The following RTN1 variants were observed in gnomAD, a reference collection of about 807,000 sequenced individuals.
RTN1 encodes the protein reticulon 1, also known as reticulon-1.
Under a neutral mutation model 65.5 loss-of-function variants are expected in RTN1, and 25 were observed. That is an observed-to-expected ratio of 0.38 (90% confidence interval 0.28 to 0.53). RTN1 has a LOEUF of 0.53. Ranked by LOEUF, RTN1 falls within the 20% of genes least tolerant of loss-of-function variation. The pLI, the probability that RTN1 is intolerant of heterozygous loss-of-function variation, is 0.79. For synonymous variants in RTN1, 471 were observed against 447.6 expected (o/e 1.05, Z -0.66); for missense variants, 983 against 1,025.4 (o/e 0.96, Z 0.57).
At chr14:59,823,322 T>C (rs1013269281) in intron 1 of RTN1, among the ~76,000 whole-genome samples, 9 of 152,026 alleles carry the variant, frequency 5.9e-5, no homozygotes, top group Non-Finnish European at 1.3e-4. Flanking sequence ...TTGTCAGAAA[T>C]AAGAACAGAA....
At chr14:59,657,470 A>G (rs1366139639) in intron 3 of RTN1, among the ~76,000 whole-genome samples, 1 of 152,100 alleles carries the variant, frequency 6.6e-6, no homozygotes, top group Non-Finnish European at 1.5e-5. Flanking sequence ...CCTAATAGGA[A>G]CAGCTCTGGT....
At chr14:59,797,335 T>C (rs1886458855) in intron 1 of RTN1, among the ~76,000 whole-genome samples, 3 of 152,192 alleles carry the variant, frequency 2.0e-5, no homozygotes. Flanking sequence ...CAGTGGGTTA[T>C]GTGTATTGCA....
intron 3 of RTN1, among the ~76,000 whole-genome samples, chr14:59,700,864 A>G (rs746591319): frequency 6.6e-6 from 1 of 152,178 alleles, no homozygotes; most frequent in Admixed American, 6.5e-5. Context: ...AAATAGATAA[A>G]TGTAACTTCA....
At chr14:59,712,963 T>C (rs904116749) in intron 3 of RTN1, among the ~76,000 whole-genome samples, 1 of 151,172 alleles carries the variant, frequency 6.6e-6, no homozygotes, top group African/African-American at 2.4e-5. Flanking sequence ...CAAAGCCCCA[T>C]CTCATTGTAT....
rs1458475362 is a variant in RTN1, at chr14:59,607,406, A to C, written c.1852T>G (p.Phe618Val). 6.2e-7 allele frequency: 1 copy of C among 1,613,906 alleles called. No homozygotes were observed. The highest frequency in any genetic ancestry group is 8.5e-7 in the Non-Finnish European group (1 of 1,180,000). ...FLLLLFSLTQ[F>V]SVVSVVAYLA... The stretch of plus-strand genomic sequence containing the variant: ...TAGGCCACGACGCTCACCACGCTGA[A>C]CTGGGTCAGGGAGAAGAGCAGCAGC... Residue 618 changes from phenylalanine to valine, a missense_variant, in exon 4 of 9, where the codon TTC becomes GTC. By Grantham distance (50) the Phe-to-Val change is conservative. Around this residue, in one of 2 missense-constraint regions of RTN1, gnomAD observed 165 missense variants for 223.6 expected, o/e 0.74. Transcript: ENST00000267484.
chr14:59,863,569 T>C (rs566177101), intron 1 of RTN1, among the ~76,000 whole-genome samples: 2 of 152,310 alleles, frequency 1.3e-5, no homozygotes, highest in South Asian at 2.1e-4. Context: ...CTCTGTATAT[T>C]TGAGTGACCC....
chr14:59,659,109 C>T (rs1883186813), intron 3 of RTN1, among the ~76,000 whole-genome samples: 1 of 151,104 alleles, frequency 6.6e-6, no homozygotes. Context: ...AATAGCCAAA[C>T]TGATCAAGTG....
chr14:59,737,433 T>C (rs1271593040), intron 2 of RTN1, among the ~76,000 whole-genome samples: 1 of 151,708 alleles, frequency 6.6e-6, no homozygotes, highest in Non-Finnish European at 1.5e-5. Flanking sequence ...AAAAATAAAA[T>C]ACCTAGGAAT....
chr14:59,838,174 T>C (rs952701443), intron 1 of RTN1, among the ~76,000 whole-genome samples: 1 of 152,164 alleles, frequency 6.6e-6, no homozygotes, highest in Non-Finnish European at 1.5e-5. Context: ...AATGGTTAGC[T>C]CCCACTTATA....
rs1885738426 is a variant in RTN1 at position 59,761,053 on chromosome 14, G to T, written c.242-14572C>A. On this transcript the variant is annotated intron_variant, in intron 1 of 8. Transcript: ENST00000267484. ...AGCCGCTGCCCACACTATTAGCTAT[G>T]TTGCATTTGTGGCCAACTAAAACAT... Among the ~76,000 whole-genome samples the T allele has an allele frequency of 1.3e-5, 2 of 152,104 alleles. 1 individual carries two copies. The highest frequency in any genetic ancestry group is 1.3e-4 in the Admixed American group (2 of 15,278).
intron 2 of RTN1, among the ~76,000 whole-genome samples, chr14:59,729,820 C>T (rs1344379820): frequency 6.6e-6 from 1 of 152,154 alleles, no homozygotes; most frequent in Non-Finnish European, 1.5e-5. Context: ...GAGAGGCTGA[C>T]CTACATAGAA....
intron 1 of RTN1, among the ~76,000 whole-genome samples, chr14:59,749,674 TATATCTATATATTTAC>T (rs1885386912): frequency 1.2e-5 from 1 of 85,106 alleles, no homozygotes; most frequent in Non-Finnish European, 2.1e-5. Flanking sequence ...TATATATTTA[TATATCTATATATTTAC>T]ATATATATCT....
At chr14:59,732,315 G>C (rs1023775803) in intron 2 of RTN1, among the ~76,000 whole-genome samples, 1 of 152,164 alleles carries the variant, frequency 6.6e-6, no homozygotes, top group Non-Finnish European at 1.5e-5. Flanking sequence ...TATATGGAGC[G>C]GCCAAGATGG....
At chr14:59,813,739 T>C (rs1239684225) in intron 1 of RTN1, among the ~76,000 whole-genome samples, 1 of 152,236 alleles carries the variant, frequency 6.6e-6, no homozygotes, top group African/African-American at 2.4e-5. Context: ...CAGTAATAAA[T>C]AGAATAAAAT....
rs533411284 is a variant in RTN1, at chr14:59,658,111, T to A, written c.1766-50619A>T. ...TGAGTATGTGGTTTCCCCCTCACAGTGTAAACAAAGCCGAGCCTCGGGGAA... is the reference window on the plus strand; with the variant it reads ...TGAGTATGTGGTTTCCCCCTCACAGAGTAAACAAAGCCGAGCCTCGGGGAA... On this transcript the variant is annotated intron_variant, in intron 3 of 8. Transcript: ENST00000267484. Among the ~76,000 whole-genome samples, 23 of 152,312 alleles carry A rather than the reference T, an allele frequency of 1.5e-4. No homozygotes were observed. The East Asian group carries it at 3.5e-3, about 23-fold the overall frequency.
At chr14:59,858,940 T>C (rs1887657281) in intron 1 of RTN1, among the ~76,000 whole-genome samples, 1 of 152,216 alleles carries the variant, frequency 6.6e-6, no homozygotes, top group South Asian at 2.1e-4. Context: ...TATATTTATG[T>C]TAATAATCCA....
In RTN1 at chr14:59,746,106, T is replaced by A; in HGVS notation, c.617A>T (p.Lys206Met). 6.2e-7 allele frequency: 1 copy of A among 1,613,506 alleles called. No homozygotes were observed. The highest frequency in any genetic ancestry group is 1.3e-5 in the African/African-American group (1 of 74,934). Residue 206 changes from lysine (K) to methionine (M), a missense_variant, in exon 2 of 9, where the codon AAG becomes ATG. Physicochemically the swap from Lys to Met is moderately conservative, Grantham distance 95. Around this residue, in one of 2 missense-constraint regions of RTN1, gnomAD observed 818 missense variants for 801.8 expected, o/e 1.02. Coordinates refer to ENST00000267484, the MANE Select transcript of RTN1 (RefSeq NM_021136.3). ...YIDITRPEEV[K>M]HQEQHHPELE... ...CTCGGGGTGATGTTGTTCTTGGTGC[T>A]TCACCTCCTCGGGTCTGGTTATGTC...
rs961898806 is a variant in RTN1 at position 59,774,882 on chromosome 14, A to G, written c.242-28401T>C. ...TCTTTTTCTCATTAAGTGAAGAGGC[A>G]AAAACATCCAAGTAACCACTTCTAT... On this transcript the variant is annotated intron_variant, in intron 1 of 8. Transcript: ENST00000267484. The surrounding 1 kb of genome is among the most constrained non-coding windows in gnomAD (Gnocchi z 5.1). 1.3e-5 allele frequency among the ~76,000 whole-genome samples: 2 copies of G among 152,214 alleles called. No homozygotes were observed. The highest frequency in any genetic ancestry group is 4.8e-5 in the African/African-American group (2 of 41,458).
intron 1 of RTN1, among the ~76,000 whole-genome samples, chr14:59,845,483 T>C (rs1010744563): frequency 1.3e-5 from 2 of 152,170 alleles, no homozygotes; most frequent in African/African-American, 4.8e-5. Flanking sequence ...CAGTTTCGGC[T>C]CCACTGTGTC....
Sources: gnomAD v4.1 joint callset for allele counts (sites outside exome capture counted in the v4.1 genomes callset) on GRCh38, gnomAD v4.1.1 for gene constraint, gnomAD v4.1.1 regional missense constraint, Gnocchi (gnomAD v3.1) non-coding constraint, MANE v1.5 for transcripts, NCBI Gene and HGNC (gene_info 2026-07-23, HGNC 2026-07-21) for gene names.